Variants in FNDC3A observed in about 807,000 individuals in gnomAD.
The protein encoded by FNDC3A is fibronectin type III domain containing 3A.
In FNDC3A, 32 loss-of-function variants were observed where a neutral mutation model predicts 148.9. The observed-to-expected ratio is 0.21, with a 90% CI of 0.16 to 0.29. FNDC3A has a LOEUF of 0.29. Ranked by LOEUF, FNDC3A falls within the 10% of genes least tolerant of loss-of-function variation. FNDC3A has a pLI of 1.00. For synonymous variants in FNDC3A, 472 were observed against 473.6 expected (o/e 1.00, Z 0.04); for missense variants, 1,191 against 1,452.8 (o/e 0.82, Z 2.93).
intron 2 of FNDC3A, among the ~76,000 whole-genome samples, chr13:49,061,191 C>G (rs886992783): frequency 1.3e-5 from 2 of 151,720 alleles, no homozygotes; most frequent in Non-Finnish European, 2.9e-5. Context: ...CTCACTGCAG[C>G]CTCAAACTCC....
intron 2 of FNDC3A, among the ~76,000 whole-genome samples, chr13:49,033,497 C>CT (rs1188404858): frequency 5.3e-5 from 8 of 151,924 alleles, no homozygotes; most frequent in Admixed American, 3.9e-4. Context: ...ACTTGGTAGA[C>CT]TAAGGACAAT....
intron 8 of FNDC3A, among the ~76,000 whole-genome samples, chr13:49,150,743 A>G (rs975143398): frequency 1.3e-5 from 2 of 152,068 alleles, no homozygotes; most frequent in Non-Finnish European, 2.9e-5. Context: ...GCAAGAGATC[A>G]AGACCATCCT....
chr13:49,095,391 C>T (rs1004571925), intron 3 of FNDC3A: 9 of 151,896 alleles, frequency 5.9e-5, no homozygotes, highest in Non-Finnish European at 1.0e-4. Context: ...ATAAGAAACC[C>T]GCTGGTCCAA....
chr13:49,188,654 C>A (rs749407895), intron 17 of FNDC3A, 21 bp downstream of exon 17: 10 of 1,516,312 alleles, frequency 6.6e-6, no homozygotes, highest in South Asian at 1.1e-5. Flanking sequence ...TATGTAGATT[C>A]TTTTGTGTTG....
intron 3 of FNDC3A, chr13:49,110,300 C>CAAAA: frequency 8.0e-7 from 1 of 1,257,440 alleles, no homozygotes; most frequent in African/African-American, 1.7e-5. Flanking sequence ...TACAGCCTTG[C>CAAAA]AAAAAAAAAA....
At chr13:49,101,666 T>G (rs541954928) in intron 3 of FNDC3A, among the ~76,000 whole-genome samples, 17 of 152,288 alleles carry the variant, frequency 1.1e-4, no homozygotes, top group African/African-American at 3.6e-4. Flanking sequence ...GCAAATCAAC[T>G]GATTCATCTG....
rs77573241 is a variant in FNDC3A at position 49,174,187 on chromosome 13, A to C, written c.1231-248A>C. ...GCAGAGTTTCCTTTATTAAAGCCAG[A>C]GATTTAACATTGGCTAAAAGATGGT... On this transcript the variant is annotated intron_variant, in intron 11 of 25. Coordinates refer to ENST00000492622, the MANE Select transcript of FNDC3A (RefSeq NM_001079673.2). Among the ~76,000 whole-genome samples, 397 of 152,284 alleles carry C rather than the reference A, an allele frequency of 2.6e-3. 10 individuals carry two copies. In the East Asian group the frequency reaches 0.041, roughly 16 times the overall value.
chr13:49,057,251 G>C (rs571076639), intron 2 of FNDC3A, among the ~76,000 whole-genome samples: 2 of 152,150 alleles, frequency 1.3e-5, no homozygotes, highest in Non-Finnish European at 2.9e-5. Flanking sequence ...GCTTTCTTAC[G>C]TCCTTCTGTT....
chr13:49,107,590 G>A (rs976998727), intron 3 of FNDC3A, among the ~76,000 whole-genome samples: 1 of 152,192 alleles, frequency 6.6e-6, no homozygotes, highest in Admixed American at 6.5e-5. Flanking sequence ...TCTGCAAATA[G>A]AGGAAAGGAA....
intron 19 of FNDC3A, among the ~76,000 whole-genome samples, chr13:49,193,119 A>G (rs1054139896): frequency 2.6e-5 from 4 of 152,214 alleles, no homozygotes; most frequent in African/African-American, 9.6e-5. Context: ...TCAAGTTTCT[A>G]TCATTTAGTG....
chr13:49,148,237 T>C (rs1883100433), intron 8 of FNDC3A, among the ~76,000 whole-genome samples: 1 of 152,172 alleles, frequency 6.6e-6, no homozygotes, highest in African/African-American at 2.4e-5. Context: ...TATTTTTCTT[T>C]TTTTTGTTGT....
chr13:49,187,642 G>A (rs1593726710), intron 16 of FNDC3A: 1 of 1,599,716 alleles, frequency 6.3e-7, no homozygotes, highest in Non-Finnish European at 8.6e-7. Context: ...CACAGAGGTT[G>A]TGAACCTCCG....
At chr13:49,187,397 T>C (rs1211107494) in intron 16 of FNDC3A, 1 of 925,082 alleles carries the variant, frequency 1.1e-6, no homozygotes, top group African/African-American at 1.7e-5. Context: ...GTATGCCATA[T>C]GAGTTCAAGT....
chr13:49,073,234 T>C (rs1006525943), intron 2 of FNDC3A, among the ~76,000 whole-genome samples: 1 of 152,124 alleles, frequency 6.6e-6, no homozygotes, highest in African/African-American at 2.4e-5. Context: ...ATTTGCAACA[T>C]ATTATAGTAC....
chr13:49,123,807 CG>C (rs1881521522), intron 4 of FNDC3A, among the ~76,000 whole-genome samples: 1 of 152,156 alleles, frequency 6.6e-6, no homozygotes, highest in East Asian at 1.9e-4. Flanking sequence ...TACCATCTCA[CG>C]CCAGTTAGAA....
chr13:49,123,297 G>A (rs997583525), intron 4 of FNDC3A, among the ~76,000 whole-genome samples: 7 of 152,076 alleles, frequency 4.6e-5, no homozygotes, highest in African/African-American at 1.7e-4. Context: ...CTAGCCACAT[G>A]CAGAAAACTG....
In FNDC3A at chr13:49,195,548, G is replaced by C. The variant is rs1345223965; in HGVS notation, c.2227-1329G>C. ...GGCCTAATGGTTACATTGAATAGTTGGTTTCACCTTCTTAAGGTTTTTTAC... is the reference window on the plus strand; with the variant it reads ...GGCCTAATGGTTACATTGAATAGTTCGTTTCACCTTCTTAAGGTTTTTTAC... On this transcript the variant is annotated intron_variant, in intron 19 of 25. Transcript: ENST00000492622. Among the ~76,000 whole-genome samples the C allele has an allele frequency of 8.6e-5, 13 of 151,852 alleles. No homozygotes were observed. In the South Asian group the frequency reaches 2.5e-3, roughly 29 times the overall value.
chr13:49,166,235 C>G (rs113088388), intron 8 of FNDC3A, among the ~76,000 whole-genome samples: 98 of 152,312 alleles, frequency 6.4e-4, no homozygotes, highest in African/African-American at 2.0e-3. Flanking sequence ...CAGCAGCCCA[C>G]AGCTGCAGTT....
intron 3 of FNDC3A, among the ~76,000 whole-genome samples, chr13:49,113,373 C>T (rs1439335601): frequency 1.3e-5 from 2 of 151,552 alleles, no homozygotes; most frequent in African/African-American, 4.9e-5. Flanking sequence ...TTTTCTCTTC[C>T]CTAGCTCTCT....
Sources: gnomAD v4.1 joint callset for allele counts (sites outside exome capture counted in the v4.1 genomes callset) on GRCh38, gnomAD v4.1.1 for gene constraint, MANE v1.5 for transcripts, NCBI Gene and HGNC (gene_info 2026-07-23, HGNC 2026-07-21) for gene names.